The following UPP2 variants were observed in gnomAD, a reference collection of about 807,000 sequenced individuals.
UPP2 encodes uridine phosphorylase 2, also known as UPase 2.
Under a neutral mutation model 26.7 loss-of-function variants are expected in UPP2, and 23 were observed. The ratio of observed to expected loss-of-function variants is 0.86; its 90% CI spans 0.62 to 1.22. The LOEUF is 1.22. Among genes scored for constraint, UPP2 ranks in the 50% most tolerant of loss-of-function variants. The pLI, the probability that UPP2 is intolerant of heterozygous loss-of-function variation, is 0.00. For synonymous variants in UPP2, 127 were observed against 141.3 expected (o/e 0.90, Z 0.72); for missense variants, 387 against 396.7 (o/e 0.98, Z 0.21).
intron 2 of UPP2, among the ~76,000 whole-genome samples, chr2:158,110,478 G>C (rs1431298400): frequency 1.3e-5 from 2 of 152,274 alleles, no homozygotes; most frequent in East Asian, 3.9e-4. Context: ...CTTTATAACA[G>C]CATGATTTAT....
intron 4 of UPP2, among the ~76,000 whole-genome samples, chr2:158,120,436 T>C (rs1038760299): frequency 6.6e-6 from 1 of 152,042 alleles, no homozygotes; most frequent in Non-Finnish European, 1.5e-5. Context: ...ATTCACTCAT[T>C]TGACAAATTT....
intron 3 of UPP2, among the ~76,000 whole-genome samples, chr2:158,080,323 C>T (rs74945308): frequency 0.012 from 1,793 of 152,126 alleles, 37 homozygotes; most frequent in African/African-American, 0.04. Context: ...TATGAGCTTG[C>T]TGGCCCAATG....
chr2:158,029,502 T>C (rs1230408996), intron 3 of UPP2, among the ~76,000 whole-genome samples: 1 of 152,230 alleles, frequency 6.6e-6, no homozygotes, highest in Non-Finnish European at 1.5e-5. Context: ...ATATGGTGAA[T>C]GCCTTGACAA....
At chr2:158,071,474 C>A (rs771427158) in intron 3 of UPP2, among the ~76,000 whole-genome samples, 2 of 146,300 alleles carry the variant, frequency 1.4e-5, no homozygotes, top group African/African-American at 5.1e-5. Flanking sequence ...TTGCTTGAAC[C>A]CGGGAGGTGG....
intron 4 of UPP2, among the ~76,000 whole-genome samples, chr2:158,119,952 A>C (rs1236914717): frequency 6.6e-6 from 1 of 151,620 alleles, no homozygotes; most frequent in Admixed American, 6.6e-5. Flanking sequence ...CAGAGACTGC[A>C]GTGAGCTGAG....
chr2:158,088,070 A>G (rs1682845374), intron 3 of UPP2, among the ~76,000 whole-genome samples: 1 of 152,160 alleles, frequency 6.6e-6, no homozygotes, highest in African/African-American at 2.4e-5. Context: ...TATTCTCTCA[A>G]ATATGTTTTC....
chr2:158,115,498 C>G (rs1683410600), intron 3 of UPP2, among the ~76,000 whole-genome samples: 1 of 151,978 alleles, frequency 6.6e-6, no homozygotes. Flanking sequence ...CTCAAAGCAC[C>G]CCTCCTTTCT....
chr2:158,044,243 C>T (rs1684120073), intron 3 of UPP2, among the ~76,000 whole-genome samples: 1 of 152,076 alleles, frequency 6.6e-6, no homozygotes, highest in East Asian at 1.9e-4. Flanking sequence ...ACAGGGTGTT[C>T]CCCTTTACAG....
At chr2:158,051,715 A>G (rs1682161703) in intron 3 of UPP2, among the ~76,000 whole-genome samples, 1 of 152,010 alleles carries the variant, frequency 6.6e-6, no homozygotes, top group Non-Finnish European at 1.5e-5. Context: ...CAGGAGGCGG[A>G]GGTTGCAGTG....
chr2:158,098,932 C>A (rs1010989601), upstream of UPP2, among the ~76,000 whole-genome samples: 2 of 152,166 alleles, frequency 1.3e-5, no homozygotes, highest in Non-Finnish European at 2.9e-5. Flanking sequence ...AAATTGTACA[C>A]TCTTAATAGC....
chr2:158,077,906 T>C (rs537860620), intron 3 of UPP2, among the ~76,000 whole-genome samples: 3 of 151,860 alleles, frequency 2.0e-5, no homozygotes, highest in African/African-American at 7.2e-5. Flanking sequence ...ATAACCAGAA[T>C]GCATAAAGAG....
chr2:158,076,466 T>C (rs1356696963), intron 3 of UPP2, among the ~76,000 whole-genome samples: 1 of 152,012 alleles, frequency 6.6e-6, no homozygotes, highest in East Asian at 1.9e-4. Context: ...TAAAAGACTG[T>C]TCATCATGAC....
rs373585111 is a variant in UPP2 at position 158,131,364 on chromosome 2, AG to A, written c.812-3382del. On this transcript the variant is annotated intron_variant, in intron 6 of 6. Transcript: ENST00000005756. The stretch of plus-strand genomic sequence containing the variant: ...GTTGAAAGTTCATTCTGAATCAGAG[AG>A]GTGGGGTTAAAGTGGTGGTCCATAG... Among the ~76,000 whole-genome samples, 146 of 152,204 alleles carry A rather than the reference AG, an allele frequency of 9.6e-4. 2 individuals are homozygous for A. In the East Asian group the frequency reaches 0.022, roughly 23 times the overall value.
chr2:158,124,529 C>T (rs1403376039), intron 6 of UPP2, among the ~76,000 whole-genome samples: 2 of 152,186 alleles, frequency 1.3e-5, no homozygotes, highest in African/African-American at 2.4e-5. Flanking sequence ...GTGGCTGGAT[C>T]TGACCTGTGT....
intron 3 of UPP2, chr2:158,065,800 G>T (rs1574271435): frequency 4.3e-6 from 3 of 702,390 alleles, no homozygotes; most frequent in Admixed American, 4.0e-5. Flanking sequence ...GACTGGTTAA[G>T]TCTTGTGAAA....
At chr2:158,103,749 A>C (rs1383821723) in intron 1 of UPP2, among the ~76,000 whole-genome samples, 1 of 152,214 alleles carries the variant, frequency 6.6e-6, no homozygotes, top group Non-Finnish European at 1.5e-5. Flanking sequence ...TTGATTCAGC[A>C]GGTATGGGGT....
intron 3 of UPP2, among the ~76,000 whole-genome samples, chr2:158,022,606 C>G (rs757377703): frequency 1.3e-5 from 2 of 152,136 alleles, no homozygotes; most frequent in African/African-American, 2.4e-5. Context: ...ATTTCACTGA[C>G]CTGTGCTTTG....
At chr2:158,131,038 G>A (rs184047665) in intron 6 of UPP2, among the ~76,000 whole-genome samples, 80 of 152,260 alleles carry the variant, frequency 5.3e-4, no homozygotes, top group South Asian at 1.2e-3. Flanking sequence ...ATGTTTCAGC[G>A]GAGATACAGG....
intron 3 of UPP2, among the ~76,000 whole-genome samples, chr2:158,033,755 A>G (rs893121558): frequency 6.6e-6 from 1 of 152,186 alleles, no homozygotes; most frequent in African/African-American, 2.4e-5. Flanking sequence ...CTCAGGTTTA[A>G]AATGCTACCA....
Sources: allele counts gnomAD v4.1 joint callset (sites outside exome capture counted in the v4.1 genomes callset), GRCh38; gene constraint gnomAD v4.1.1; transcripts MANE v1.5; gene names NCBI Gene and HGNC (gene_info 2026-07-23, HGNC 2026-07-21).